The following PTTG1IP variants were observed in gnomAD, a reference collection of about 807,000 sequenced individuals.
PTTG1IP encodes the protein pituitary tumor-transforming gene 1 protein-interacting protein.
In PTTG1IP, 16 loss-of-function variants were observed where a neutral mutation model predicts 24.4. That is an observed-to-expected ratio of 0.66 (90% CI 0.44 to 1.00). PTTG1IP has a LOEUF of 1.00. Ranked by LOEUF, PTTG1IP falls within the 50% of genes least tolerant of loss-of-function variation. The pLI is 0.00. For missense variants in PTTG1IP, 241 were observed against 245.8 expected (o/e 0.98, Z 0.13); for synonymous variants, 89 against 96.8 (o/e 0.92, Z 0.47).
intron 1 of PTTG1IP, among the ~76,000 whole-genome samples, chr21:44,866,721 GAA>G (rs2083544840): frequency 6.6e-6 from 1 of 151,020 alleles, no homozygotes; most frequent in South Asian, 2.1e-4. Context: ...AGTGCACGCT[GAA>G]AAGAGCTCTG....
Position 44,873,586 on chromosome 21 carries a change from GCGTCGGC to G in PTTG1IP, c.24_30del (p.Pro9ArgfsTer42), listed in dbSNP as rs1442095797. On this transcript the variant is annotated frameshift_variant, in exon 1 of 6. Transcript: ENST00000330938. LOFTEE classifies it high-confidence loss of function. ...CCACCGAGGCGCAACCTCCAGTACG[GCGTCGGC>G]CCGCGGGCCACTCCGGGCGCCATGG... 1 of 1,460,140 alleles carries G rather than the reference GCGTCGGC, an allele frequency of 6.8e-7. No individual in the cohort carries two copies. The allele number at this position is 1,460,140 out of a possible 1,614,324, so 90.4% of individuals were successfully genotyped here.
chr21:44,861,465 C>T (rs1421617303), intron 2 of PTTG1IP, among the ~76,000 whole-genome samples, 194 bp from the exon 3 acceptor site: 1 of 152,238 alleles, frequency 6.6e-6, no homozygotes, highest in Non-Finnish European at 1.5e-5. Context: ...CGGCCAGCAG[C>T]CCTGTCAGCT....
intron 2 of PTTG1IP, chr21:44,861,785 C>T (rs1439888359): frequency 1.4e-6 from 1 of 717,584 alleles, no homozygotes. Context: ...CACCTGTGCA[C>T]TTCACTGGCT....
At chr21:44,854,131 T>C (rs186857852) in intron 5 of PTTG1IP, among the ~76,000 whole-genome samples, 88 of 152,284 alleles carry the variant, frequency 5.8e-4, no homozygotes, top group African/African-American at 2.0e-3. Flanking sequence ...CCGCTCACAG[T>C]GGCTGCTGGG....
chr21:44,858,845 G>A (rs1017620847), intron 3 of PTTG1IP, among the ~76,000 whole-genome samples: 2 of 152,210 alleles, frequency 1.3e-5, no homozygotes, highest in Non-Finnish European at 1.5e-5. Context: ...CCACTAGATG[G>A]ACTGAACTTA....
intron 3 of PTTG1IP, 79 bp downstream of exon 3, chr21:44,861,084 G>A: frequency 7.9e-7 from 1 of 1,266,280 alleles, no homozygotes; most frequent in Non-Finnish European, 1.1e-6. Context: ...TTACAGACGT[G>A]AGCCACCGCG....
At chr21:44,860,958 C>T (rs1275401622) in intron 3 of PTTG1IP, among the ~76,000 whole-genome samples, 1 of 152,076 alleles carries the variant, frequency 6.6e-6, no homozygotes, top group African/African-American at 2.4e-5. Flanking sequence ...TGCATGCCAC[C>T]ACGCCCACCT....
intron 2 of PTTG1IP, among the ~76,000 whole-genome samples, chr21:44,863,642 C>A (rs966381230): frequency 1.3e-5 from 2 of 152,174 alleles, no homozygotes; most frequent in Admixed American, 6.5e-5. Context: ...GCTACAAAGC[C>A]ACATACAATA....
At position 44,851,515 on chromosome 21, in the gene PTTG1IP, C is replaced by A. The variant is rs777326708; in HGVS notation, c.*66G>T. The A allele has an allele frequency of 1.3e-4, 202 of 1,613,834 alleles. No individual in the cohort carries two copies. The highest frequency in any genetic ancestry group is 4.9e-4 in the Middle Eastern group (3 of 6,084). ...GAGACCGCAATGGCCACGTGGTCTC[C>A]CGGCTGGGCTGGGCTGCGGAGCGTG... On this transcript the variant is annotated 3_prime_UTR_variant, in exon 6 of 6. Transcript: ENST00000330938.
Position 44,858,399 on chromosome 21 carries a change from C to A in PTTG1IP, c.278-2035G>T, listed in dbSNP as rs558938333. On this transcript the variant is annotated intron_variant, in intron 3 of 5. Coordinates refer to ENST00000330938, the MANE Select transcript of PTTG1IP (RefSeq NM_004339.4). ...GGGCCCGGCCACAACTGCTCCTCCC[C>A]ACTCTGCTCCCGTGGGCAAGGCTGG... Among the ~76,000 whole-genome samples, 9 of 152,342 alleles carry A rather than the reference C, an allele frequency of 5.9e-5. No individual in the cohort carries two copies. The East Asian group carries it at 1.7e-3, about 29-fold the overall frequency.
Position 44,855,201 on chromosome 21 carries a change from A to T in PTTG1IP, c.496+9T>A. On this transcript the variant is annotated intron_variant, in intron 5 of 5. Coordinates refer to ENST00000330938, the MANE Select transcript of PTTG1IP (RefSeq NM_004339.4). ...AACCAGACAAAAAGGAGGCGTGACC[A>T]GTCCTTACCATATTTTTTTCTGATT... 1 of 1,606,622 alleles carries T rather than the reference A, an allele frequency of 6.2e-7. No homozygotes were observed. Among genetic ancestry groups the T allele is most frequent in the Non-Finnish European group, 8.5e-7 (1 of 1,173,248 alleles).
intron 1 of PTTG1IP, among the ~76,000 whole-genome samples, chr21:44,869,494 T>TAG (rs2083567668): frequency 6.6e-6 from 1 of 152,240 alleles, no homozygotes; most frequent in African/African-American, 2.4e-5. Flanking sequence ...AGATAGAGTC[T>TAG]TGCTATGTCA....
chr21:44,851,706 T>C, intron 5 of PTTG1IP, 79 bp from the exon 6 acceptor site: 6 of 1,480,178 alleles, frequency 4.1e-6, no homozygotes, highest in Non-Finnish European at 5.5e-6. Flanking sequence ...CAAACCAAGC[T>C]TTATAAGAAG....
chr21:44,851,686 G>A (rs1414587529), intron 5 of PTTG1IP, 59 bp from the exon 6 acceptor site: 34 of 1,517,726 alleles, frequency 2.2e-5, no homozygotes, highest in Non-Finnish European at 3.0e-5. Flanking sequence ...CAAAATCTTA[G>A]AAAGCCATAC....
At chr21:44,865,595 C>T in intron 1 of PTTG1IP, 148 bp from the exon 2 acceptor site, 1 of 761,514 alleles carries the variant, frequency 1.3e-6, no homozygotes, top group Non-Finnish European at 2.3e-6. Context: ...CTTCCTGAGC[C>T]CCTGCTGATA....
intron 3 of PTTG1IP, among the ~76,000 whole-genome samples, 178 bp downstream of exon 3, chr21:44,860,985 A>G (rs1569323940): frequency 6.6e-6 from 1 of 151,934 alleles, no homozygotes; most frequent in African/African-American, 2.4e-5. Context: ...TGTATTTTTA[A>G]TAGAGACGGG....
At chr21:44,859,397 G>A (rs1295896909) in intron 3 of PTTG1IP, among the ~76,000 whole-genome samples, 2 of 151,574 alleles carry the variant, frequency 1.3e-5, no homozygotes, top group Non-Finnish European at 3.0e-5. Context: ...ACGCACACAC[G>A]TGTGCATTAT....
At chr21:44,870,043 G>A (rs141897210) in intron 1 of PTTG1IP, among the ~76,000 whole-genome samples, 14 of 152,120 alleles carry the variant, frequency 9.2e-5, no homozygotes, top group East Asian at 5.8e-4. Flanking sequence ...CTGGATTACC[G>A]GTCAGTCTGA....
chr21:44,871,233 C>T (rs2083582437), intron 1 of PTTG1IP, among the ~76,000 whole-genome samples: 1 of 146,730 alleles, frequency 6.8e-6, no homozygotes, highest in African/African-American at 2.6e-5. Flanking sequence ...TAGAAAGCCA[C>T]GTTTCTCAGG....
Sources: gnomAD v4.1 joint callset for allele counts (sites outside exome capture counted in the v4.1 genomes callset) on GRCh38, gnomAD v4.1.1 for gene constraint, MANE v1.5 for transcripts, NCBI Gene and HGNC (gene_info 2026-07-23, HGNC 2026-07-21) for gene names.